Variants in ATXN7 observed in about 807,000 individuals in gnomAD.
ATXN7 encodes the protein ataxin-7.
ATXN7 carries 12 observed loss-of-function variants against 70.5 expected under a neutral mutation model. The ratio of observed to expected loss-of-function variants is 0.17; its 90% CI spans 0.11 to 0.28. The LOEUF is 0.28. Among genes scored for constraint, ATXN7 ranks in the 10% least tolerant of loss-of-function variants. The pLI, the probability that ATXN7 is intolerant of heterozygous loss-of-function variation, is 1.00. For synonymous variants in ATXN7, 498 were observed against 448.7 expected (o/e 1.11, Z -1.39); for missense variants, 1,256 against 1,131.7 (o/e 1.11, Z -1.58).
intron 5 of ATXN7, among the ~76,000 whole-genome samples, chr3:63,963,044 T>C (rs1395198283): frequency 6.6e-6 from 1 of 151,818 alleles, no homozygotes; most frequent in Non-Finnish European, 1.5e-5. Context: ...GCCCTTCCAG[T>C]ACCTGGGACT....
chr3:63,900,858 G>C (rs1703610808), intron 2 of ATXN7: 1 of 152,330 alleles, frequency 6.6e-6, no homozygotes, highest in Admixed American at 6.5e-5. Context: ...AGAAGAGGAG[G>C]CACAAGTTCA....
In ATXN7 at chr3:64,000,081, CT is replaced by C. The variant is rs2075817955; in HGVS notation, c.*618del. ...AGACACCATGACAAAATAGCCCAGC[CT>C]TTTGAGAGTAATTTGGGAAAAGAAG... On this transcript the variant is annotated 3_prime_UTR_variant, in exon 13 of 13. Coordinates refer to ENST00000674280, the MANE Select transcript of ATXN7 (RefSeq NM_001377405.1). 1 of 152,590 alleles carries C rather than the reference CT, an allele frequency of 6.6e-6. No homozygotes were observed. Among genetic ancestry groups the C allele is most frequent in the African/African-American group, 2.4e-5 (1 of 41,396 alleles). 9.5% of individuals were successfully genotyped at this position (152,590 alleles called of 1,614,324 possible).
chr3:63,865,923 AAAG>A (rs1702409376), intron 1 of ATXN7, among the ~76,000 whole-genome samples: 3 of 149,640 alleles, frequency 2.0e-5, no homozygotes, highest in Admixed American at 1.3e-4. Flanking sequence ...AAAAAAAAAA[AAAG>A]AAAGTAATTG....
chr3:63,959,781 C>T (rs1229873588), intron 5 of ATXN7, among the ~76,000 whole-genome samples: 1 of 151,920 alleles, frequency 6.6e-6, no homozygotes, highest in Non-Finnish European at 1.5e-5. Flanking sequence ...CTTATTTTTC[C>T]TCTTACTGAT....
chr3:63,997,813 A>G (rs1419348358), intron 12 of ATXN7: 1 of 1,460,358 alleles, frequency 6.8e-7, no homozygotes, highest in Non-Finnish European at 9.0e-7. Flanking sequence ...AGTGTGATAT[A>G]ATTTTCCTCT....
Position 63,990,847 on chromosome 3 carries a change from C to T in ATXN7, c.1670C>T (p.Ala557Val). 1.2e-6 allele frequency: 2 copies of T among 1,614,222 alleles called. No homozygotes were observed. The highest frequency in any genetic ancestry group is 1.7e-6 in the Non-Finnish European group (2 of 1,180,032). The stretch of plus-strand genomic sequence containing the variant: ...CTCATGGTGGAGAAGCATCTGAATG[C>T]ACAGCTATGGAAGTGAGTGCCTGTT... The part of the protein sequence containing the change: ...LNLMVEKHLN[A>V]QLWKKIPPVP... The change falls in exon 11 of 13, where the codon GCA (alanine) becomes GTA (valine). Residue 557 changes from alanine (A) to valine (V), a missense_variant. Ala to Val is a moderately conservative substitution (Grantham distance 64, BLOSUM62 0). Coordinates refer to ENST00000674280, the MANE Select transcript of ATXN7 (RefSeq NM_001377405.1).
At chr3:63,933,601 A>G (rs532189257) in intron 4 of ATXN7, among the ~76,000 whole-genome samples, 4 of 152,206 alleles carry the variant, frequency 2.6e-5, no homozygotes, top group Admixed American at 6.5e-5. Flanking sequence ...TGAGTGAACT[A>G]TATATCTTGT....
At chr3:63,929,343 G>A (rs1295225713) in intron 4 of ATXN7, among the ~76,000 whole-genome samples, 1 of 150,724 alleles carries the variant, frequency 6.6e-6, no homozygotes, top group Middle Eastern at 3.2e-3. Flanking sequence ...CGCCATCTCG[G>A]CTCACTGCAA....
intron 1 of ATXN7, among the ~76,000 whole-genome samples, chr3:63,876,157 A>AT (rs1702745209): frequency 6.6e-6 from 1 of 152,174 alleles, no homozygotes; most frequent in African/African-American, 2.4e-5. Flanking sequence ...GGAATCCTTC[A>AT]ACTTAATTCT....
rs1435268489 is a variant in ATXN7 at position 63,990,994 on chromosome 3, C to G, written c.1682+135C>G. Reference sequence around the variant, plus strand: ...GCCTTTGGCCCTGAGAAGAAGGTGCCTTGTCATTCATTCATTCATTTACCC... The same window carrying G: ...GCCTTTGGCCCTGAGAAGAAGGTGCGTTGTCATTCATTCATTCATTTACCC... On this transcript the variant is annotated intron_variant, in intron 11 of 12. Transcript: ENST00000674280. The G allele has an allele frequency of 3.0e-6, 4 of 1,317,560 alleles. No homozygotes were observed. The African/African-American group carries it at 4.4e-5, about 14-fold the overall frequency. 81.6% of individuals were successfully genotyped at this position (1,317,560 alleles called of 1,614,324 possible). A position where few individuals can be genotyped will look rare whatever the true frequency, so the allele number is the denominator to read the frequency against.
At chr3:63,869,647 G>A (rs1702540339) in intron 1 of ATXN7, among the ~76,000 whole-genome samples, 1 of 152,118 alleles carries the variant, frequency 6.6e-6, no homozygotes. Context: ...CTGATCCTGA[G>A]CTCCTGACCT....
chr3:63,892,475 A>C (rs1000515975), intron 1 of ATXN7, among the ~76,000 whole-genome samples: 11 of 143,600 alleles, frequency 7.7e-5, no homozygotes, highest in African/African-American at 3.0e-4. Flanking sequence ...CTTCACACAC[A>C]CACACACACA....
At chr3:63,903,288 G>A in intron 2 of ATXN7, among the ~76,000 whole-genome samples, 1 of 150,528 alleles carries the variant, frequency 6.6e-6, no homozygotes, top group Admixed American at 6.7e-5. Context: ...CCCGGAGGCT[G>A]AGGCAGGAGA....
chr3:63,952,835 C>CTTTTTTTTTTTTTTTTT (rs59256288), intron 5 of ATXN7, among the ~76,000 whole-genome samples: 6 of 49,164 alleles, frequency 1.2e-4, no homozygotes, highest in African/African-American at 4.1e-4. Context: ...ATGCATGGGC[C>CTTTTTTTTTTTTTTTTT]TTTTTTTTTT....
At chr3:63,956,295 G>C (rs1271002469) in intron 5 of ATXN7, among the ~76,000 whole-genome samples, 1 of 151,878 alleles carries the variant, frequency 6.6e-6, no homozygotes, top group Non-Finnish European at 1.5e-5. Context: ...GCCAGGCGTG[G>C]TGGCGTGCGC....
chr3:63,902,448 G>A (rs1703678295), intron 2 of ATXN7, among the ~76,000 whole-genome samples: 1 of 152,104 alleles, frequency 6.6e-6, no homozygotes, highest in Non-Finnish European at 1.5e-5. Context: ...TGAAAATGGT[G>A]AATTTCAGTT....
intron 1 of ATXN7, among the ~76,000 whole-genome samples, chr3:63,884,237 ACACATACT>A (rs1427920669): frequency 0.011 from 1,336 of 120,014 alleles, 22 homozygotes; most frequent in African/African-American, 0.036. Context: ...ACACACACAC[ACACATACT>A]CTCACACACA....
In ATXN7 at chr3:64,003,055, G is replaced by A. The variant is rs1463939850; in HGVS notation, c.*3588G>A. 6.6e-6 allele frequency: 1 copy of A among 152,048 alleles called. No homozygotes were observed. Among genetic ancestry groups the A allele is most frequent in the Non-Finnish European group, 1.5e-5 (1 of 68,016 alleles). The allele number at this position is 152,048 out of a possible 1,614,324, so 9.4% of individuals were successfully genotyped here. A position where few individuals can be genotyped will look rare whatever the true frequency, so the allele number is the denominator to read the frequency against. The stretch of plus-strand genomic sequence containing the variant: ...CGCTCATTCTGTCCAGGGGGTTTGG[G>A]GCGATTGGGCTTTGAAAAAATATTC... On this transcript the variant is annotated 3_prime_UTR_variant, in exon 13 of 13. Transcript: ENST00000674280.
chr3:63,892,912 TGA>T (rs1166429159), intron 1 of ATXN7, among the ~76,000 whole-genome samples: 3 of 152,124 alleles, frequency 2.0e-5, no homozygotes, highest in African/African-American at 7.2e-5. Flanking sequence ...AGTCTAGATG[TGA>T]GTTACTTGGA....
Sources: allele counts gnomAD v4.1 joint callset (sites outside exome capture counted in the v4.1 genomes callset), GRCh38; gene constraint gnomAD v4.1.1; transcripts MANE v1.5; gene names NCBI Gene and HGNC (gene_info 2026-07-23, HGNC 2026-07-21).